THG1L: variants seen among roughly 807,000 people sequenced by gnomAD.
THG1L encodes probable tRNA(His) guanylyltransferase.
In THG1L, 27 loss-of-function variants were observed where a neutral mutation model predicts 35.2. That is an observed-to-expected ratio of 0.77 (90% confidence interval 0.57 to 1.06). The LOEUF (loss-of-function observed/expected upper bound fraction) is 1.06, where lower values mean the gene tolerates loss of function less well. THG1L is among the 50% of genes least tolerant of loss of function. The pLI is 0.00. For synonymous variants in THG1L, 135 were observed against 132.4 expected, an observed-to-expected ratio of 1.02 and a Z score of -0.14; for missense variants, 377 against 371.8, an observed-to-expected ratio of 1.01 and a Z score of -0.12.
chr5:157,732,259 GAA>G (rs1464456775), intron 1 of THG1L, among the ~76,000 whole-genome samples: 7 of 128,806 alleles, frequency 5.4e-5, no homozygotes, highest in African/African-American at 2.1e-4. Flanking sequence ...GAGAGAGAGA[GAA>G]AGAAGGAAGA....
intron 5 of THG1L, chr5:157,738,790 C>G: frequency 4.0e-6 from 1 of 250,976 alleles, no homozygotes; most frequent in Non-Finnish European, 7.7e-6. Flanking sequence ...GGAATCCTTT[C>G]TTTGTTCCTA....
chr5:157,736,756 G>T lies in THG1L; in HGVS notation c.627+822G>T, dbSNP rs36055176. Among the ~76,000 whole-genome samples the T allele has an allele frequency of 1.5e-3, 209 of 141,036 alleles. 2 individuals carry two copies. Among genetic ancestry groups the T allele is most frequent in the Admixed American group, 3.8e-3 (53 of 13,856 alleles). The allele number at this position is 141,036 out of a possible 152,430, so 92.5% of individuals were successfully genotyped here. On this transcript the variant is annotated intron_variant, in intron 4 of 5. Transcript: ENST00000231198. ...ATCCTTTCTGCCTCAGTTCTTTATA[G>T]GTAAAATGTAGAAAATAGTAGTTTC...
chr5:157,738,637 T>C (rs988587517), intron 5 of THG1L: 1 of 436,546 alleles, frequency 2.3e-6, no homozygotes, highest in African/African-American at 2.1e-5. Flanking sequence ...AGGAGTACCT[T>C]GAGAGCTAGT....
intron 1 of THG1L, 22 bp downstream of exon 1, chr5:157,731,653 C>A (rs201674724): frequency 1.3e-6 from 2 of 1,575,206 alleles, no homozygotes; most frequent in South Asian, 1.2e-5. Context: ...CGACTCGGGG[C>A]GTCGCGATGC....
At chr5:157,734,008 CAT>C (rs1760800661) in intron 2 of THG1L, among the ~76,000 whole-genome samples, 1 of 152,156 alleles carries the variant, frequency 6.6e-6, no homozygotes, top group African/African-American at 2.4e-5. Context: ...CCCCTTGAAT[CAT>C]AAATTCGTAT....
At position 157,736,236 on chromosome 5, in the gene THG1L, C is replaced by G. The variant is rs575450069; in HGVS notation, c.627+302C>G. Among the ~76,000 whole-genome samples the G allele has an allele frequency of 2.3e-4, 35 of 150,288 alleles. No homozygotes were observed. The South Asian group carries it at 3.6e-3, about 15-fold the overall frequency. On this transcript the variant is annotated intron_variant, in intron 4 of 5. Transcript: ENST00000231198. ...GCCGTGTATGACTGTGTATGACTGCCGTCTTCAGCACTGACTTTTTTTTTT... is the reference window on the plus strand; with the variant it reads ...GCCGTGTATGACTGTGTATGACTGCGGTCTTCAGCACTGACTTTTTTTTTT...
chr5:157,731,653 C>G (rs201674724), intron 1 of THG1L, 22 bp downstream of exon 1: 14 of 1,575,090 alleles, frequency 8.9e-6, no homozygotes, highest in Non-Finnish European at 1.0e-5. Context: ...CGACTCGGGG[C>G]GTCGCGATGC....
At chr5:157,738,945 T>G (rs1013983029) in intron 5 of THG1L, among the ~76,000 whole-genome samples, 4 of 151,846 alleles carry the variant, frequency 2.6e-5, no homozygotes, top group African/African-American at 9.7e-5. Context: ...AGCTAATTTT[T>G]GTATTTTTGG....
At chr5:157,732,215 CA>C (rs34744387) in intron 1 of THG1L, among the ~76,000 whole-genome samples, 495 of 53,848 alleles carry the variant, frequency 9.2e-3, no homozygotes, top group East Asian at 0.021. Context: ...TCCGCCACTA[CA>C]AAAAAAAAAA....
At chr5:157,739,061 A>C (rs535394444) in intron 5 of THG1L, among the ~76,000 whole-genome samples, 1 of 152,254 alleles carries the variant, frequency 6.6e-6, no homozygotes, top group South Asian at 2.1e-4. Flanking sequence ...GGCGTGAGCC[A>C]CCGCGCTCGG....
rs765032230 is a variant in THG1L, at chr5:157,731,602, A to C, written c.162A>C (p.Val54=). Residue 54 remains valine (V), a synonymous_variant, in exon 1 of 6, where the codon GTA becomes GTC. Transcript: ENST00000231198. ...CCTGCCTGGCACACTGCTGGGTGGT[A>C]GTGCGGCTGGACGGCCGGAATTTCC... ...DDTCLAHCWV[V]VRLDGRNFHR... The C allele has an allele frequency of 5.0e-6, 8 of 1,600,884 alleles. No individual in the cohort carries two copies. The highest frequency in any genetic ancestry group is 6.0e-6 in the Non-Finnish European group (7 of 1,173,012).
rs776932078 is a variant in THG1L, at chr5:157,731,426, C to T, written c.-15C>T. The T allele has an allele frequency of 1.3e-4, 207 of 1,574,644 alleles. 1 individual carries two copies. The highest frequency in any genetic ancestry group is 6.8e-4 in the Middle Eastern group (4 of 5,894). On this transcript the variant is annotated 5_prime_UTR_variant, in exon 1 of 6. Coordinates refer to ENST00000231198, the MANE Select transcript of THG1L (RefSeq NM_017872.5). ...CGGGGCGGGGCTATCTGGCCCTTTC[C>T]TTTCCGCGTGTAGAATGTGGGGCGC...
intron 3 of THG1L, among the ~76,000 whole-genome samples, chr5:157,735,607 C>T (rs1318627009): frequency 1.3e-5 from 2 of 152,178 alleles, no homozygotes. Flanking sequence ...CACAAGTTAA[C>T]AGATTTGTAT....
intron 3 of THG1L, among the ~76,000 whole-genome samples, chr5:157,735,084 T>C (rs1255381082): frequency 6.6e-6 from 1 of 152,104 alleles, no homozygotes. Context: ...ATTACAGGCA[T>C]GTGCCACCAC....
In THG1L at chr5:157,739,308, T is replaced by C; in HGVS notation, c.736-13T>C. 6.2e-7 allele frequency: 1 copy of C among 1,611,684 alleles called. No homozygotes were observed. Among genetic ancestry groups the C allele is most frequent in the East Asian group, 2.2e-5 (1 of 44,846 alleles). On this transcript the variant is annotated splice_polypyrimidine_tract_variant and intron_variant, in intron 5 of 5. Transcript: ENST00000231198. ...CTGACTTAACAATGTCACTACTTTATTTTTACCTGTAGGTGGATGAAGTGA... is the reference window on the plus strand; with the variant it reads ...CTGACTTAACAATGTCACTACTTTACTTTTACCTGTAGGTGGATGAAGTGA...
At chr5:157,738,534 G>A in intron 5 of THG1L, 2 of 395,946 alleles carry the variant, frequency 5.1e-6, no homozygotes, top group Non-Finnish European at 9.7e-6. Context: ...CTCTGTACCA[G>A]CTGTTAGGCA....
chr5:157,739,633 G>A lies in THG1L; in HGVS notation c.*151G>A. The A allele has an allele frequency of 1.2e-6, 1 of 845,260 alleles. No homozygotes were observed. Among genetic ancestry groups the A allele is most frequent in the Non-Finnish European group, 1.8e-6 (1 of 565,996 alleles). The allele number at this position is 845,260 out of a possible 1,614,324, so 52.4% of individuals were successfully genotyped here. Reference sequence around the variant, plus strand: ...TTGGGAGGGGAACAGGGAAGGAAGGGATGGATGGGGGTGGTGTATCTTACT... The same window carrying A: ...TTGGGAGGGGAACAGGGAAGGAAGGAATGGATGGGGGTGGTGTATCTTACT... On this transcript the variant is annotated 3_prime_UTR_variant, in exon 6 of 6. Transcript: ENST00000231198.
chr5:157,732,414 C>G (rs943466920), intron 1 of THG1L, among the ~76,000 whole-genome samples: 11 of 151,876 alleles, frequency 7.2e-5, no homozygotes, highest in African/African-American at 2.7e-4. Flanking sequence ...GGACACTGCA[C>G]TCCAGCTTGG....
intron 5 of THG1L, chr5:157,738,702 A>T: frequency 2.4e-6 from 1 of 413,620 alleles, no homozygotes. Context: ...ATTCTTTGGT[A>T]CAGACTTGGA....
Sources: allele counts gnomAD v4.1 joint callset (sites outside exome capture counted in the v4.1 genomes callset), GRCh38; gene constraint gnomAD v4.1.1; transcripts MANE v1.5; gene names NCBI Gene and HGNC (gene_info 2026-07-23, HGNC 2026-07-21).